The following ADGRL2 variants were observed in gnomAD, a reference collection of about 807,000 sequenced individuals.
ADGRL2 encodes the protein calcium-independent alpha-latrotoxin receptor 2.
ADGRL2 carries 44 observed loss-of-function variants against 157.4 expected under a neutral mutation model. The ratio of observed to expected loss-of-function variants is 0.28; its 90% confidence interval spans 0.22 to 0.36. The LOEUF is 0.36. Ranked by LOEUF, ADGRL2 falls within the 10% of genes least tolerant of loss-of-function variation. The pLI, the probability that ADGRL2 is intolerant of heterozygous loss-of-function variation, is 1.00. For synonymous variants in ADGRL2, 585 were observed against 624.7 expected, an observed-to-expected ratio of 0.94 and a Z score of 0.95; for missense variants, 1,510 against 1,768.9, an observed-to-expected ratio of 0.85 and a Z score of 2.63.
rs561319952 is a variant in ADGRL2, at chr1:81,879,606, A to T, written c.74-27411A>T. 8.1e-4 allele frequency among the ~76,000 whole-genome samples: 124 copies of T among 152,202 alleles called. 1 individual carries two copies. The highest frequency in any genetic ancestry group is 2.9e-3 in the African/African-American group (121 of 41,536). Reference sequence around the variant, plus strand: ...GAAAGAAGTTTTTATAATATTATTTATTCTTCTTCTGAAAAAAATCAAGTG... The same window carrying T: ...GAAAGAAGTTTTTATAATATTATTTTTTCTTCTTCTGAAAAAAATCAAGTG... On this transcript the variant is annotated intron_variant, in intron 2 of 23. Transcript: ENST00000686636.
chr1:81,652,498 C>T (rs1202841993), intron 3 of ADGRL2, among the ~76,000 whole-genome samples: 4 of 151,874 alleles, frequency 2.6e-5, no homozygotes, highest in Admixed American at 2.6e-4. Context: ...AATAAAAATC[C>T]ACTTGTGCCT....
chr1:81,333,557 A>G (rs1299554127), intron 1 of ADGRL2, among the ~76,000 whole-genome samples: 1 of 152,096 alleles, frequency 6.6e-6, no homozygotes, highest in Non-Finnish European at 1.5e-5. Flanking sequence ...CTGGGATTAC[A>G]GGCACCTGCC....
chr1:81,710,130 T>G (rs1474656960), intron 1 of ADGRL2, among the ~76,000 whole-genome samples: 2 of 152,196 alleles, frequency 1.3e-5, no homozygotes, highest in Non-Finnish European at 2.9e-5. Context: ...AGATATTTTC[T>G]AACGTGTCAG....
At chr1:81,390,839 T>C (rs1477454337) in intron 1 of ADGRL2, among the ~76,000 whole-genome samples, 1 of 152,306 alleles carries the variant, frequency 6.6e-6, no homozygotes, top group Non-Finnish European at 1.5e-5. Context: ...GGACATTCAT[T>C]ATGTTTTCAT....
chr1:81,484,387 T>C (rs2078455143), intron 2 of ADGRL2, among the ~76,000 whole-genome samples: 1 of 152,134 alleles, frequency 6.6e-6, no homozygotes, highest in African/African-American at 2.4e-5. Flanking sequence ...CACAGACCCT[T>C]GTAGACATCT....
intron 2 of ADGRL2, among the ~76,000 whole-genome samples, chr1:81,456,811 G>T (rs1016047515): frequency 1.3e-5 from 2 of 152,018 alleles, no homozygotes; most frequent in Non-Finnish European, 1.5e-5. Flanking sequence ...GTTTATATAA[G>T]AACTTGTTAT....
intron 3 of ADGRL2, among the ~76,000 whole-genome samples, chr1:81,656,780 C>T (rs556914042): frequency 2.0e-5 from 3 of 152,082 alleles, no homozygotes; most frequent in Admixed American, 6.5e-5. Flanking sequence ...GAGGCTGAGA[C>T]GGGTGGATTG....
At chr1:81,744,593 CATG>C (rs2085181662) in intron 1 of ADGRL2, among the ~76,000 whole-genome samples, 2 of 152,140 alleles carry the variant, frequency 1.3e-5, no homozygotes. Context: ...AAAGGCAGCA[CATG>C]ATGAGAAGCT....
At chr1:81,399,585 A>G (rs1297546740) in intron 1 of ADGRL2, among the ~76,000 whole-genome samples, 3 of 151,680 alleles carry the variant, frequency 2.0e-5, no homozygotes, top group African/African-American at 7.3e-5. Context: ...TCTCTATTAT[A>G]TTTTTTATTT....
intron 2 of ADGRL2, among the ~76,000 whole-genome samples, chr1:81,889,236 A>G (rs1479181842): frequency 6.6e-6 from 1 of 152,284 alleles, no homozygotes; most frequent in Non-Finnish European, 1.5e-5. Flanking sequence ...AAGCTTAGAC[A>G]GAACGAAATC....
intron 2 of ADGRL2, among the ~76,000 whole-genome samples, chr1:81,795,220 A>C (rs1316808103): frequency 5.9e-5 from 9 of 152,078 alleles, no homozygotes; most frequent in Non-Finnish European, 1.2e-4. Context: ...CTCTAGAAAA[A>C]ATAAAAAAAA....
At chr1:81,772,229 TAC>T (rs949812018) in intron 2 of ADGRL2, among the ~76,000 whole-genome samples, 21 of 140,774 alleles carry the variant, frequency 1.5e-4, no homozygotes, top group Non-Finnish European at 1.8e-4. Flanking sequence ...CAGCCTGGGC[TAC>T]AGAGCCAGAC....
intron 1 of ADGRL2, among the ~76,000 whole-genome samples, chr1:81,377,832 C>T (rs2076276466): frequency 6.6e-6 from 1 of 152,058 alleles, no homozygotes; most frequent in Non-Finnish European, 1.5e-5. Context: ...GATTTTGTAC[C>T]TAATTTTGAA....
chr1:81,421,282 C>T (rs1396646270), intron 1 of ADGRL2, among the ~76,000 whole-genome samples: 2 of 152,136 alleles, frequency 1.3e-5, no homozygotes, highest in African/African-American at 2.4e-5. Context: ...ACTATTGATC[C>T]TCATCTTACT....
chr1:81,561,712 G>A (rs1024002350), intron 2 of ADGRL2, among the ~76,000 whole-genome samples: 6 of 151,804 alleles, frequency 4.0e-5, no homozygotes, highest in Admixed American at 2.0e-4. Flanking sequence ...CACCCGCCTC[G>A]GCCTCCCAAA....
chr1:81,497,569 T>C (rs2078757360), intron 2 of ADGRL2, among the ~76,000 whole-genome samples: 1 of 152,238 alleles, frequency 6.6e-6, no homozygotes. Flanking sequence ...ACCTAAAGTT[T>C]ATTACAATTT....
intron 1 of ADGRL2, among the ~76,000 whole-genome samples, chr1:81,753,926 C>G (rs1295586809): frequency 6.6e-6 from 1 of 152,030 alleles, no homozygotes; most frequent in African/African-American, 2.4e-5. Context: ...TATGATGGTG[C>G]ATGTTTTGGG....
chr1:81,617,847 G>T (rs1048836090), intron 3 of ADGRL2, among the ~76,000 whole-genome samples: 3 of 152,168 alleles, frequency 2.0e-5, no homozygotes, highest in South Asian at 2.1e-4. Flanking sequence ...CTTTGCTGGG[G>T]TCATTGGAAC....
At chr1:81,933,034 A>T (rs2095257377) in intron 3 of ADGRL2, among the ~76,000 whole-genome samples, 1 of 152,118 alleles carries the variant, frequency 6.6e-6, no homozygotes, top group South Asian at 2.1e-4. Flanking sequence ...TTTTCAGCTG[A>T]TAGTGGTGCT....
Sources: allele counts gnomAD v4.1 joint callset (sites outside exome capture counted in the v4.1 genomes callset), GRCh38; gene constraint gnomAD v4.1.1; transcripts MANE v1.5; gene names NCBI Gene and HGNC (gene_info 2026-07-23, HGNC 2026-07-21).